The following FGF12 variants were observed in gnomAD, a reference collection of about 807,000 sequenced individuals.
FGF12 encodes fibroblast growth factor 12B.
Under a neutral mutation model 23.6 loss-of-function variants are expected in FGF12, and 14 were observed. The ratio of observed to expected loss-of-function variants is 0.59; its 90% CI spans 0.39 to 0.93. The LOEUF (loss-of-function observed/expected upper bound fraction) is 0.93, where lower values mean the gene tolerates loss of function less well. Among genes scored for constraint, FGF12 ranks in the 40% least tolerant of loss-of-function variants. The probability of loss-of-function intolerance (pLI) is 0.00; values close to 1 mark genes in which losing one functional copy is unlikely to be tolerated. For missense variants in FGF12, 175 were observed against 217.8 expected, an observed-to-expected ratio of 0.80 and a Z score of 1.24; for synonymous variants, 62 against 77.3, an observed-to-expected ratio of 0.80 and a Z score of 1.04.
chr3:192,265,508 G>T (rs968665936), intron 4 of FGF12: 1 of 152,152 alleles, frequency 6.6e-6, no homozygotes, highest in Non-Finnish European at 1.5e-5. Flanking sequence ...GACAAATCCA[G>T]CCCACCTCCT....
At chr3:192,584,556 A>G (rs1326151021) in intron 2 of FGF12, among the ~76,000 whole-genome samples, 2 of 152,082 alleles carry the variant, frequency 1.3e-5, no homozygotes, top group Non-Finnish European at 2.9e-5. Flanking sequence ...ACGATTTCAC[A>G]TAGAGGTTTG....
intron 2 of FGF12, among the ~76,000 whole-genome samples, chr3:192,393,699 C>T (rs1287630151): frequency 2.0e-5 from 3 of 152,112 alleles, no homozygotes; most frequent in Non-Finnish European, 2.9e-5. Context: ...ATAAAATTCA[C>T]AGAAACTCTT....
At chr3:192,376,259 C>G (rs1719491936) in intron 2 of FGF12, among the ~76,000 whole-genome samples, 1 of 151,724 alleles carries the variant, frequency 6.6e-6, no homozygotes, top group Non-Finnish European at 1.5e-5. Context: ...ATTTTCTCTT[C>G]TATTATTTAG....
chr3:192,438,952 A>G (rs1722110815), intron 2 of FGF12, among the ~76,000 whole-genome samples: 2 of 152,180 alleles, frequency 1.3e-5, no homozygotes, highest in African/African-American at 2.4e-5. Flanking sequence ...AAGTGTGGGT[A>G]AGCCCCCACC....
In FGF12 at chr3:192,508,573, T is replaced by C. The variant is rs146056963; in HGVS notation, c.14-148035A>G. ...CTGGCTGTAAATAAATGGATTTATG[T>C]TGAAGCAAGAGCAGAGAAAAGGTAT... On this transcript the variant is annotated intron_variant, in intron 2 of 5. Transcript: ENST00000445105. Among the ~76,000 whole-genome samples, 392 of 152,370 alleles carry C rather than the reference T, an allele frequency of 2.6e-3. 2 individuals are homozygous for C. Among genetic ancestry groups the C allele is most frequent in the African/African-American group, 8.8e-3 (367 of 41,594 alleles).
At chr3:192,481,494 GT>G (rs1723478167) in intron 2 of FGF12, among the ~76,000 whole-genome samples, 1 of 152,140 alleles carries the variant, frequency 6.6e-6, no homozygotes, top group African/African-American at 2.4e-5. Flanking sequence ...CATCTTGTTT[GT>G]TTAAGATAAA....
At chr3:192,663,959 T>C (rs996419700) in intron 2 of FGF12, among the ~76,000 whole-genome samples, 4 of 152,162 alleles carry the variant, frequency 2.6e-5, no homozygotes, top group Non-Finnish European at 4.4e-5. Flanking sequence ...AGTATCCCCA[T>C]GTTAGATAAG....
rs2108732292 is a variant in FGF12 at position 192,360,254 on chromosome 3, T to G, written c.124+174A>C. On this transcript the variant is annotated intron_variant, in intron 3 of 5. Transcript: ENST00000445105. The surrounding 1 kb of genome is among the most constrained non-coding windows in gnomAD (Gnocchi z 4.3). ...TGCATAACCTCTCTCCTATACTGTC[T>G]TTGCTGTAGGAAATCATAGCAAGAA... is the stretch of plus-strand genomic sequence containing the variant. Among the ~76,000 whole-genome samples, 1 of 152,254 alleles carries G rather than the reference T, an allele frequency of 6.6e-6. No individual in the cohort carries two copies. Among genetic ancestry groups the G allele is most frequent in the East Asian group, 1.9e-4 (1 of 5,178 alleles).
intron 2 of FGF12, among the ~76,000 whole-genome samples, chr3:192,676,424 G>A (rs1351569157): frequency 2.0e-5 from 3 of 152,192 alleles, no homozygotes; most frequent in African/African-American, 7.2e-5. Flanking sequence ...CAAATTAGTG[G>A]TAGAGCTGGC....
chr3:192,410,137 G>A (rs1721148898), intron 2 of FGF12, among the ~76,000 whole-genome samples: 1 of 152,068 alleles, frequency 6.6e-6, no homozygotes, highest in Admixed American at 6.5e-5. Context: ...ACCCACGGAA[G>A]AGCGAAAGAG....
chr3:192,655,524 C>T (rs1387447748), intron 2 of FGF12, among the ~76,000 whole-genome samples: 1 of 152,128 alleles, frequency 6.6e-6, no homozygotes, highest in Non-Finnish European at 1.5e-5. Flanking sequence ...CATCACCATA[C>T]CAGCCTCTTG....
chr3:192,438,747 G>GT (rs1722103356), intron 2 of FGF12, among the ~76,000 whole-genome samples: 1 of 152,170 alleles, frequency 6.6e-6, no homozygotes, highest in South Asian at 2.1e-4. Flanking sequence ...TTGACCAGTA[G>GT]GAGTGGAGTC....
intron 2 of FGF12, among the ~76,000 whole-genome samples, chr3:192,602,205 G>T (rs1366445783): frequency 6.6e-6 from 1 of 152,118 alleles, no homozygotes; most frequent in Non-Finnish European, 1.5e-5. Context: ...TGTGGTGAGA[G>T]GGAGAGGATA....
intron 2 of FGF12, among the ~76,000 whole-genome samples, chr3:192,570,357 G>T (rs186580560): frequency 2.7e-4 from 41 of 152,238 alleles, no homozygotes; most frequent in African/African-American, 9.9e-4. Flanking sequence ...AAAGATTTTA[G>T]TTACAGATAA....
intron 2 of FGF12, among the ~76,000 whole-genome samples, chr3:192,484,500 T>A (rs1723574095): frequency 6.6e-6 from 1 of 152,140 alleles, no homozygotes. Flanking sequence ...TCTACCTTAT[T>A]ATTCTATTAT....
intron 4 of FGF12, among the ~76,000 whole-genome samples, chr3:192,210,120 T>G (rs1352179002): frequency 6.6e-6 from 1 of 151,636 alleles, no homozygotes; most frequent in East Asian, 1.9e-4. Flanking sequence ...TGTACAACTG[T>G]GATCCTTGAG....
chr3:192,509,242 G>T (rs1450359002), intron 2 of FGF12, among the ~76,000 whole-genome samples: 1 of 152,192 alleles, frequency 6.6e-6, no homozygotes, highest in African/African-American at 2.4e-5. Flanking sequence ...TCTCTCTTCT[G>T]CTGTGCTTAA....
intron 5 of FGF12, among the ~76,000 whole-genome samples, chr3:192,161,364 G>C (rs1255091535): frequency 6.6e-6 from 1 of 151,978 alleles, no homozygotes; most frequent in Non-Finnish European, 1.5e-5. Context: ...AGAAATACCC[G>C]GATGTTCTAA....
intron 5 of FGF12, among the ~76,000 whole-genome samples, chr3:192,166,140 T>A (rs979784084): frequency 5.9e-5 from 9 of 152,206 alleles, no homozygotes; most frequent in Non-Finnish European, 1.2e-4. Flanking sequence ...CAACCTCAAG[T>A]GTACATATCT....
Sources: allele counts gnomAD v4.1 joint callset (sites outside exome capture counted in the v4.1 genomes callset), GRCh38; gene constraint gnomAD v4.1.1; non-coding constraint Gnocchi (gnomAD v3.1); transcripts MANE v1.5; gene names NCBI Gene and HGNC (gene_info 2026-07-23, HGNC 2026-07-21).